The following CHCHD3 variants were observed in gnomAD, a reference collection of about 807,000 sequenced individuals.
CHCHD3 encodes MICOS complex subunit MIC19.
CHCHD3 carries 20 observed loss-of-function variants against 38.2 expected under a neutral mutation model. The observed-to-expected ratio is 0.52, with a 90% CI of 0.37 to 0.76. The LOEUF (loss-of-function observed/expected upper bound fraction) is 0.76, where lower values mean the gene tolerates loss of function less well. Among genes scored for constraint, CHCHD3 ranks in the 30% least tolerant of loss-of-function variants. The pLI is 0.00. For synonymous variants in CHCHD3, 82 were observed against 100.0 expected (o/e 0.82, Z 1.07); for missense variants, 245 against 279.2 (o/e 0.88, Z 0.87).
At chr7:132,809,678 A>G (rs1807017302) in intron 6 of CHCHD3, among the ~76,000 whole-genome samples, 1 of 152,240 alleles carries the variant, frequency 6.6e-6, no homozygotes, top group South Asian at 2.1e-4. Flanking sequence ...ACAGATGGTG[A>G]CATTTGCAAG....
At chr7:132,980,230 C>T (rs1811884424) in intron 3 of CHCHD3, among the ~76,000 whole-genome samples, 2 of 152,190 alleles carry the variant, frequency 1.3e-5, no homozygotes, top group Admixed American at 1.3e-4. Flanking sequence ...CCCAGGCTCT[C>T]ACTGACCAAG....
intron 4 of CHCHD3, among the ~76,000 whole-genome samples, chr7:132,966,689 T>C (rs1562924084): frequency 6.6e-6 from 1 of 152,208 alleles, no homozygotes; most frequent in Non-Finnish European, 1.5e-5. Flanking sequence ...GTTGTGTGAC[T>C]TGCCATGAAG....
At chr7:133,073,253 T>C (rs899421557) in intron 1 of CHCHD3, among the ~76,000 whole-genome samples, 1 of 152,158 alleles carries the variant, frequency 6.6e-6, no homozygotes, top group African/African-American at 2.4e-5. Context: ...TTATCTCTTT[T>C]GCAGCTTCCC....
intron 4 of CHCHD3, among the ~76,000 whole-genome samples, chr7:132,912,238 TTAGAAAATCAGATTCAA>T (rs745519017): frequency 1.1e-4 from 16 of 152,194 alleles, no homozygotes; most frequent in Non-Finnish European, 2.1e-4. Flanking sequence ...ACTACCATAA[TTAGAAAATCAGATTCAA>T]CTGTCTAAGT....
chr7:133,051,788 C>G (rs1183805948), intron 2 of CHCHD3, among the ~76,000 whole-genome samples: 1 of 152,096 alleles, frequency 6.6e-6, no homozygotes, highest in Non-Finnish European at 1.5e-5. Context: ...AGCTATATAA[C>G]TATAGCTGCA....
At chr7:132,864,731 G>A (rs1808575480) in intron 5 of CHCHD3, among the ~76,000 whole-genome samples, 1 of 152,064 alleles carries the variant, frequency 6.6e-6, no homozygotes, top group African/African-American at 2.4e-5. Flanking sequence ...TGAGGAACCA[G>A]AATACCATCC....
At chr7:132,810,572 A>T (rs1807042059) in intron 6 of CHCHD3, among the ~76,000 whole-genome samples, 1 of 152,220 alleles carries the variant, frequency 6.6e-6, no homozygotes, top group African/African-American at 2.4e-5. Flanking sequence ...AGAAAACAAC[A>T]ATCTACCACA....
intron 4 of CHCHD3, among the ~76,000 whole-genome samples, chr7:132,923,267 T>C (rs1810302539): frequency 6.6e-6 from 1 of 152,120 alleles, no homozygotes; most frequent in Admixed American, 6.5e-5. Context: ...TTTCCGAAAG[T>C]TGGGTTGATA....
rs1811651472 is a variant in CHCHD3, at chr7:132,973,077, G to A, written c.369+2092C>T. The A allele has an allele frequency of 9.1e-6, 9 of 985,336 alleles. No homozygotes were observed. The South Asian group carries it at 1.4e-4, about 15-fold the overall frequency. 61.0% of individuals were successfully genotyped at this position (985,336 alleles called of 1,614,324 possible). On this transcript the variant is annotated intron_variant, in intron 4 of 7. Coordinates refer to ENST00000262570, the MANE Select transcript of CHCHD3 (RefSeq NM_017812.4). ...TCTTTTTATGTCTTGCTGAGTGTGT[G>A]TATATATTTAATGAGTTTTTTGAGT... is the stretch of plus-strand genomic sequence containing the variant.
At chr7:132,940,071 G>A (rs1810726966) in intron 4 of CHCHD3, among the ~76,000 whole-genome samples, 1 of 152,116 alleles carries the variant, frequency 6.6e-6, no homozygotes. Context: ...CAATATTAGT[G>A]CTAATGAGAA....
chr7:132,973,949 T>C, intron 4 of CHCHD3: 1 of 1,284,940 alleles, frequency 7.8e-7, no homozygotes, highest in Non-Finnish European at 1.0e-6. Context: ...GAGTAACATC[T>C]GGGTTTCTAG....
At chr7:132,886,432 G>A (rs1172102960) in intron 4 of CHCHD3, among the ~76,000 whole-genome samples, 2 of 151,406 alleles carry the variant, frequency 1.3e-5, no homozygotes, top group African/African-American at 4.8e-5. Context: ...GCTACTTACC[G>A]ATATTTTTCA....
intron 5 of CHCHD3, among the ~76,000 whole-genome samples, chr7:132,855,181 T>C (rs1182443597): frequency 6.6e-6 from 1 of 152,176 alleles, no homozygotes; most frequent in African/African-American, 2.4e-5. Flanking sequence ...TTTAAAATAT[T>C]ATAGTTCTTT....
At chr7:132,979,155 T>C (rs898586861) in intron 3 of CHCHD3, among the ~76,000 whole-genome samples, 2 of 152,222 alleles carry the variant, frequency 1.3e-5, no homozygotes, top group Non-Finnish European at 2.9e-5. Context: ...AAAAAGTCTA[T>C]ACCTTAAACA....
At chr7:132,812,464 C>T (rs956974235) in intron 6 of CHCHD3, among the ~76,000 whole-genome samples, 5 of 152,074 alleles carry the variant, frequency 3.3e-5, no homozygotes, top group Non-Finnish European at 7.4e-5. Context: ...CCATCTCGGC[C>T]TCCCAAAATG....
intron 4 of CHCHD3, among the ~76,000 whole-genome samples, chr7:132,943,581 T>TA (rs1003484955): frequency 5.3e-5 from 8 of 151,922 alleles, no homozygotes; most frequent in African/African-American, 1.9e-4. Context: ...ATTTCATTAG[T>TA]AAAAAAATTG....
intron 4 of CHCHD3, among the ~76,000 whole-genome samples, chr7:132,929,858 T>C (rs1462919628): frequency 6.6e-6 from 1 of 152,138 alleles, no homozygotes; most frequent in East Asian, 1.9e-4. Flanking sequence ...CAGCTTAACA[T>C]ATGAAAGTCA....
At chr7:132,859,224 G>T (rs2117129055) in intron 5 of CHCHD3, among the ~76,000 whole-genome samples, 1 of 152,134 alleles carries the variant, frequency 6.6e-6, no homozygotes, top group South Asian at 2.1e-4. Context: ...ATATTTAAAA[G>T]TTATTATATA....
intron 4 of CHCHD3, among the ~76,000 whole-genome samples, chr7:132,969,399 T>C (rs1811554593): frequency 6.6e-6 from 1 of 152,178 alleles, no homozygotes; most frequent in Non-Finnish European, 1.5e-5. Flanking sequence ...AAATACCTAA[T>C]GATCTGACTA....
Sources: gnomAD v4.1 joint callset for allele counts (sites outside exome capture counted in the v4.1 genomes callset) on GRCh38, gnomAD v4.1.1 for gene constraint, MANE v1.5 for transcripts, NCBI Gene and HGNC (gene_info 2026-07-23, HGNC 2026-07-21) for gene names.